POU6F2: variants seen among roughly 807,000 people sequenced by gnomAD.
The protein encoded by POU6F2 is POU class 6 homeobox 2.
Under a neutral mutation model 71.3 loss-of-function variants are expected in POU6F2, and 31 were observed. The observed-to-expected ratio is 0.43, with a 90% confidence interval of 0.33 to 0.59. The LOEUF is 0.59. Ranked by LOEUF, POU6F2 falls within the 20% of genes least tolerant of loss-of-function variation. The pLI is 0.04. For synonymous variants in POU6F2, 347 were observed against 355.7 expected, an observed-to-expected ratio of 0.98 and a Z score of 0.27; for missense variants, 783 against 856.8, an observed-to-expected ratio of 0.91 and a Z score of 1.07.
rs148147708 is a variant in POU6F2, at chr7:39,346,594, C to T, written c.972+6579C>T. On this transcript the variant is annotated intron_variant, in intron 5 of 9. Coordinates refer to ENST00000518318, the MANE Select transcript of POU6F2 (RefSeq NM_001370959.1). ...TGGATGGTGGTTGATGAAACTAATC[C>T]CAAAGTCTAGCTCAGAATGCTTCTG... Among the ~76,000 whole-genome samples, 316 of 152,292 alleles carry T rather than the reference C, an allele frequency of 2.1e-3. 3 individuals are homozygous for T. Among genetic ancestry groups the T allele is most frequent in the African/African-American group, 6.7e-3 (280 of 41,570 alleles).
chr7:39,231,720 C>T (rs907449896), intron 4 of POU6F2, among the ~76,000 whole-genome samples: 4 of 152,162 alleles, frequency 2.6e-5, no homozygotes, highest in Non-Finnish European at 4.4e-5. Flanking sequence ...TCTCTTCCTT[C>T]GGATCCAGTG....
At chr7:39,065,741 C>T (rs1436948564) in intron 1 of POU6F2, among the ~76,000 whole-genome samples, 4 of 151,150 alleles carry the variant, frequency 2.6e-5, no homozygotes, top group East Asian at 1.9e-4. Flanking sequence ...CCAAATTGAC[C>T]AATAAATAAG....
At chr7:39,006,548 T>G (rs527829682) in intron 1 of POU6F2, among the ~76,000 whole-genome samples, 13 of 152,324 alleles carry the variant, frequency 8.5e-5, no homozygotes, top group African/African-American at 2.9e-4. Flanking sequence ...TCAAAATTAC[T>G]TCTTTATTTA....
rs1349244846 is a variant in POU6F2, at chr7:39,383,709, G to A, written c.973-22891G>A. On this transcript the variant is annotated intron_variant, in intron 5 of 9. Coordinates refer to ENST00000518318, the MANE Select transcript of POU6F2 (RefSeq NM_001370959.1). ...GTGATGCAGTGCTAGAGTGCTCGGG[G>A]TGTGCTTAGAGTGCTCGAACCAGAC... Among the ~76,000 whole-genome samples the A allele has an allele frequency of 7.2e-5, 11 of 152,292 alleles. No individual in the cohort carries two copies. The East Asian group carries it at 2.1e-3, about 29-fold the overall frequency.
intron 4 of POU6F2, among the ~76,000 whole-genome samples, chr7:39,289,600 T>A (rs1239566483): frequency 6.6e-6 from 1 of 152,232 alleles, no homozygotes; most frequent in Admixed American, 6.5e-5. Flanking sequence ...TTCCAAATTG[T>A]TTGAAATTCT....
intron 2 of POU6F2, among the ~76,000 whole-genome samples, chr7:39,141,359 G>A (rs1209806773): frequency 3.3e-5 from 5 of 152,164 alleles, no homozygotes; most frequent in Non-Finnish European, 7.3e-5. Context: ...AGATTTTCCT[G>A]CCCTCTGTGG....
intron 2 of POU6F2, among the ~76,000 whole-genome samples, chr7:39,107,054 T>C (rs199666383): frequency 5.5e-4 from 78 of 140,548 alleles, no homozygotes; most frequent in African/African-American, 1.9e-3. Flanking sequence ...TTTTTTTTTT[T>C]CTTTTTTTTC....
chr7:39,337,553 C>A (rs898375962), intron 4 of POU6F2, among the ~76,000 whole-genome samples: 1 of 152,174 alleles, frequency 6.6e-6, no homozygotes, highest in African/African-American at 2.4e-5. Context: ...ACCTTCCTAA[C>A]TGTACTCATC....
chr7:39,395,478 G>A (rs954628385), intron 5 of POU6F2, among the ~76,000 whole-genome samples: 2 of 152,136 alleles, frequency 1.3e-5, no homozygotes, highest in Non-Finnish European at 2.9e-5. Flanking sequence ...ACAGCCTGAT[G>A]AGGATCCCTT....
At chr7:39,420,596 A>G (rs1372551110) in intron 6 of POU6F2, among the ~76,000 whole-genome samples, 1 of 152,190 alleles carries the variant, frequency 6.6e-6, no homozygotes, top group Admixed American at 6.5e-5. Flanking sequence ...GATACTACAA[A>G]CATTGCTTAA....
At chr7:39,100,759 T>G (rs1013749670) in intron 2 of POU6F2, among the ~76,000 whole-genome samples, 1 of 152,192 alleles carries the variant, frequency 6.6e-6, no homozygotes, top group African/African-American at 2.4e-5. Context: ...GTATCGCCCC[T>G]TAGATGTCCC....
intron 4 of POU6F2, among the ~76,000 whole-genome samples, chr7:39,264,268 A>C (rs1178320425): frequency 6.6e-6 from 1 of 152,210 alleles, no homozygotes; most frequent in Non-Finnish European, 1.5e-5. Flanking sequence ...TAAGTGCTCT[A>C]TTGGTGTTAG....
chr7:39,236,321 A>C (rs1032711787), intron 4 of POU6F2, among the ~76,000 whole-genome samples: 1 of 152,172 alleles, frequency 6.6e-6, no homozygotes, highest in East Asian at 1.9e-4. Context: ...AATTAATATC[A>C]TAGCACTTAT....
intron 7 of POU6F2, among the ~76,000 whole-genome samples, chr7:39,451,002 C>T (rs1405492596): frequency 6.6e-6 from 1 of 152,174 alleles, no homozygotes; most frequent in Non-Finnish European, 1.5e-5. Context: ...AGCATTTTAT[C>T]AACTCCACAG....
chr7:39,183,066 G>A (rs1303251984), intron 2 of POU6F2, among the ~76,000 whole-genome samples: 1 of 152,178 alleles, frequency 6.6e-6, no homozygotes. Context: ...GTGAGAGGCA[G>A]GCAAGTGAGC....
intron 1 of POU6F2, among the ~76,000 whole-genome samples, chr7:39,083,308 G>A (rs1791165476): frequency 6.6e-6 from 1 of 152,168 alleles, no homozygotes; most frequent in South Asian, 2.1e-4. Context: ...CAGATGAGCA[G>A]TACAGTGACA....
At chr7:39,409,458 A>C (rs1787506039) in intron 6 of POU6F2, among the ~76,000 whole-genome samples, 1 of 152,194 alleles carries the variant, frequency 6.6e-6, no homozygotes, top group Admixed American at 6.5e-5. Flanking sequence ...TAAGACTTTG[A>C]ATTCAGACCT....
chr7:39,142,390 G>A (rs920029584), intron 2 of POU6F2, among the ~76,000 whole-genome samples: 4 of 152,184 alleles, frequency 2.6e-5, no homozygotes, highest in African/African-American at 9.7e-5. Flanking sequence ...GGGCAGGAGA[G>A]GTGGGTAATG....
At chr7:39,280,606 C>T (rs1784545374) in intron 4 of POU6F2, among the ~76,000 whole-genome samples, 1 of 152,184 alleles carries the variant, frequency 6.6e-6, no homozygotes, top group South Asian at 2.1e-4. Flanking sequence ...TTATCTGATA[C>T]ATTTCTCATA....
Sources: allele counts gnomAD v4.1 joint callset (sites outside exome capture counted in the v4.1 genomes callset), GRCh38; gene constraint gnomAD v4.1.1; transcripts MANE v1.5; gene names NCBI Gene and HGNC (gene_info 2026-07-23, HGNC 2026-07-21).